The following CYTH3 variants were observed in gnomAD, a reference collection of about 807,000 sequenced individuals.
The protein encoded by CYTH3 is cytohesin 3.
In CYTH3, 23 loss-of-function variants were observed where a neutral mutation model predicts 55.1. The observed-to-expected ratio is 0.42, with a 90% CI of 0.30 to 0.59. The LOEUF is 0.59. Among genes scored for constraint, CYTH3 ranks in the 20% least tolerant of loss-of-function variants. The pLI is 0.20. For synonymous variants in CYTH3, 249 were observed against 194.9 expected (o/e 1.28, Z -2.31); for missense variants, 413 against 524.8 (o/e 0.79, Z 2.08).
Position 6,241,566 on chromosome 7 carries a change from TTC to T in CYTH3, c.34+30906_34+30907del, listed in dbSNP as rs532959822. Among the ~76,000 whole-genome samples the T allele has an allele frequency of 1.7e-4, 26 of 152,066 alleles. No individual in the cohort carries two copies. The East Asian group carries it at 5.0e-3, about 29-fold the overall frequency. ...GCATAAGAATCCCACTTCTGAAAAT[TTC>T]TCTCTCAGATAAATGTGTAAAAAAC... On this transcript the variant is annotated intron_variant, in intron 1 of 12. Coordinates refer to ENST00000350796, the MANE Select transcript of CYTH3 (RefSeq NM_004227.4).
At chr7:6,226,809 G>C (rs930491823) in intron 1 of CYTH3, among the ~76,000 whole-genome samples, 4 of 152,112 alleles carry the variant, frequency 2.6e-5, no homozygotes, top group Non-Finnish European at 5.9e-5. Context: ...GGCCGGGCGC[G>C]GTGGCTCATG....
At chr7:6,264,057 G>A (rs974239561) in intron 1 of CYTH3, among the ~76,000 whole-genome samples, 1 of 152,014 alleles carries the variant, frequency 6.6e-6, no homozygotes, top group African/African-American at 2.4e-5. Flanking sequence ...GACCAGCCTG[G>A]CCAACATGGT....
At chr7:6,165,914 C>T in intron 9 of CYTH3, 104 bp from the exon 10 acceptor site, 1 of 1,112,932 alleles carries the variant, frequency 9.0e-7, no homozygotes, top group East Asian at 2.4e-5. Context: ...TTCAGAAAGG[C>T]CACCAGGCGC....
rs1583722135 is a variant in CYTH3, at chr7:6,164,510, A to G, written c.*434T>C. 5.8e-6 allele frequency: 1 copy of G among 173,808 alleles called. No individual in the cohort carries two copies. Among genetic ancestry groups the G allele is most frequent in the African/African-American group, 2.4e-5 (1 of 41,922 alleles). The allele number at this position is 173,808 out of a possible 1,614,324, so 10.8% of individuals were successfully genotyped here. The stretch of plus-strand genomic sequence containing the variant: ...ACAGTGGCTTTCTAGAACGGTTAAT[A>G]CTGCCCCGAGTGAATGCGTTTGGCA... On this transcript the variant is annotated 3_prime_UTR_variant, in exon 13 of 13. Transcript: ENST00000350796.
chr7:6,211,624 G>A (rs1429787237), intron 1 of CYTH3, among the ~76,000 whole-genome samples: 1 of 152,152 alleles, frequency 6.6e-6, no homozygotes, highest in Non-Finnish European at 1.5e-5. Context: ...AAGCCACGGT[G>A]CCTGGCCTAA....
chr7:6,179,912 ACACACAAAC>A (rs1783462657), intron 4 of CYTH3, among the ~76,000 whole-genome samples: 3 of 146,994 alleles, frequency 2.0e-5, no homozygotes, highest in African/African-American at 7.6e-5. Flanking sequence ...ACAACCACAC[ACACACAAAC>A]CACACACACA....
intron 1 of CYTH3, among the ~76,000 whole-genome samples, chr7:6,198,934 G>A (rs1784000180): frequency 6.6e-6 from 1 of 152,180 alleles, no homozygotes; most frequent in African/African-American, 2.4e-5. Context: ...TGATGGAGGA[G>A]GTTGGACACA....
rs57661153 is a variant in CYTH3, at chr7:6,235,472, C to CAA, written c.34+37000_34+37001dup. 7.5e-3 allele frequency among the ~76,000 whole-genome samples: 699 copies of CAA among 93,538 alleles called. 1 individual carries two copies. Among genetic ancestry groups the CAA allele is most frequent in the Middle Eastern group, 0.011 (2 of 186 alleles). The allele number at this position is 93,538 out of a possible 152,430, so 61.4% of individuals were successfully genotyped here. A position where few individuals can be genotyped will look rare whatever the true frequency, so the allele number is the denominator to read the frequency against. On this transcript the variant is annotated intron_variant, in intron 1 of 12. Transcript: ENST00000350796. Reference sequence around the variant, plus strand: ...TGGGAGACAGAGGGAGACTCTATCTCAAAAAAAAAAAAAAAAAAACTGCTT... The same window carrying CAA: ...TGGGAGACAGAGGGAGACTCTATCTCAAAAAAAAAAAAAAAAAAAAACTGCTT...
At chr7:6,271,020 G>C (rs1235318424) in intron 1 of CYTH3, among the ~76,000 whole-genome samples, 1 of 152,132 alleles carries the variant, frequency 6.6e-6, no homozygotes, top group South Asian at 2.1e-4. Context: ...TTTCTAACAA[G>C]GGAAAACAGC....
Position 6,223,269 on chromosome 7 carries a change from G to A in CYTH3, c.35-32738C>T, listed in dbSNP as rs532006789. Among the ~76,000 whole-genome samples, 18 of 151,984 alleles carry A rather than the reference G, an allele frequency of 1.2e-4. No homozygotes were observed. In the South Asian group the frequency reaches 1.2e-3, roughly 11 times the overall value. On this transcript the variant is annotated intron_variant, in intron 1 of 12. Transcript: ENST00000350796. Reference sequence around the variant, plus strand: ...AGGAGCGCCTGTGCCAGGCCGCCCCGTCTGGGAAGTGAGGAGCGCCTCTGC... The same window carrying A: ...AGGAGCGCCTGTGCCAGGCCGCCCCATCTGGGAAGTGAGGAGCGCCTCTGC...
In CYTH3 at chr7:6,255,618, T is replaced by C. The variant is rs114844981; in HGVS notation, c.34+16856A>G. ...CTGGGGGTCCAGCACCTCATCAAGATAGGGAGGGAGGGATATGTTGGGGAC... is the reference window on the plus strand; with the variant it reads ...CTGGGGGTCCAGCACCTCATCAAGACAGGGAGGGAGGGATATGTTGGGGAC... On this transcript the variant is annotated intron_variant, in intron 1 of 12. Transcript: ENST00000350796. 2.1e-3 allele frequency among the ~76,000 whole-genome samples: 313 copies of C among 152,038 alleles called. 2 individuals are homozygous for C. Among genetic ancestry groups the C allele is most frequent in the African/African-American group, 7.4e-3 (305 of 41,488 alleles).
intron 5 of CYTH3, 33 bp from the exon 6 acceptor site, chr7:6,173,766 T>C (rs758432130): frequency 2.2e-5 from 27 of 1,237,036 alleles, no homozygotes; most frequent in Middle Eastern, 1.9e-4. Context: ...TCAAACCTAA[T>C]GTACATTATC....
intron 1 of CYTH3, among the ~76,000 whole-genome samples, chr7:6,202,956 G>A (rs1410582900): frequency 6.6e-6 from 1 of 152,132 alleles, no homozygotes; most frequent in Non-Finnish European, 1.5e-5. Context: ...ATAAAAGTTG[G>A]TAAAAGGGTA....
intron 2 of CYTH3, among the ~76,000 whole-genome samples, chr7:6,189,232 G>A (rs375023341): frequency 2.6e-5 from 4 of 152,190 alleles, no homozygotes; most frequent in South Asian, 2.1e-4. Flanking sequence ...CTGTGGGACC[G>A]CCCTCTACCC....
At chr7:6,185,556 C>T (rs978370443) in intron 4 of CYTH3, among the ~76,000 whole-genome samples, 66 of 152,024 alleles carry the variant, frequency 4.3e-4, no homozygotes, top group Admixed American at 2.9e-3. Context: ...AAAAATTAGC[C>T]GGGCATGGTG....
At chr7:6,246,080 ATTT>A (rs796237115) in intron 1 of CYTH3, among the ~76,000 whole-genome samples, 1 of 148,668 alleles carries the variant, frequency 6.7e-6, no homozygotes, top group African/African-American at 2.5e-5. Context: ...ATAATTTTTA[ATTT>A]TTTTTTTTAA....
At chr7:6,224,004 A>G (rs535370514) in intron 1 of CYTH3, among the ~76,000 whole-genome samples, 1 of 152,216 alleles carries the variant, frequency 6.6e-6, no homozygotes, top group East Asian at 1.9e-4. Flanking sequence ...TATAATCCTT[A>G]CTGATTCACA....
chr7:6,233,655 C>CAAAAA (rs557639314), intron 1 of CYTH3, among the ~76,000 whole-genome samples: 1 of 79,602 alleles, frequency 1.3e-5, no homozygotes, highest in African/African-American at 3.4e-5. Context: ...GACTCCATCT[C>CAAAAA]AAAAAAAAAA....
rs1562880628 is a variant in CYTH3 at position 6,178,221 on chromosome 7, AG to A, written c.250-281del. On this transcript the variant is annotated intron_variant, in intron 4 of 12. Coordinates refer to ENST00000350796, the MANE Select transcript of CYTH3 (RefSeq NM_004227.4). ...TACAGGTGGTTATTAGAAATTATAA[AG>A]GCAGGAGTAACAGTAATATTAGATT... Among the ~76,000 whole-genome samples, 3 of 152,276 alleles carry A rather than the reference AG, an allele frequency of 2.0e-5. No individual in the cohort carries two copies. In the South Asian group the frequency reaches 6.2e-4, roughly 31 times the overall value.
Sources: gnomAD v4.1 joint callset for allele counts (sites outside exome capture counted in the v4.1 genomes callset) on GRCh38, gnomAD v4.1.1 for gene constraint, MANE v1.5 for transcripts, NCBI Gene and HGNC (gene_info 2026-07-23, HGNC 2026-07-21) for gene names.